ADAP1: variants seen among roughly 807,000 people sequenced by gnomAD.
ADAP1 encodes the protein arf-GAP with dual PH domain-containing protein 1.
A neutral mutation model predicts 54.9 loss-of-function variants in ADAP1; 31 were observed. The observed-to-expected ratio is 0.56, with a 90% CI of 0.42 to 0.76. ADAP1 has a LOEUF of 0.76. Ranked by LOEUF, ADAP1 falls within the 30% of genes least tolerant of loss-of-function variation. The pLI, the probability that ADAP1 is intolerant of heterozygous loss-of-function variation, is 0.00. For synonymous variants in ADAP1, 313 were observed against 202.6 expected (o/e 1.55, Z -4.63); for missense variants, 535 against 512.4 (o/e 1.04, Z -0.42).
Position 920,720 on chromosome 7 carries a change from C to T in ADAP1, c.306-670G>A, listed in dbSNP as rs1846160624. 2.1e-6 allele frequency: 3 copies of T among 1,401,038 alleles called. No homozygotes were observed. The highest frequency in any genetic ancestry group is 1.4e-5 in the African/African-American group (1 of 69,540). 86.8% of individuals were successfully genotyped at this position (1,401,038 alleles called of 1,614,324 possible). On this transcript the variant is annotated intron_variant, in intron 3 of 10. Transcript: ENST00000265846. This position sits in a 1 kb window ranked among gnomAD's most constrained non-coding sequence, Gnocchi z 4.5. ...CGGGACGAGGGCCCCCCACGGCACC[C>T]ACTGAGCCCAGACATCCCTGCCCAG... is the stretch of plus-strand genomic sequence containing the variant.
chr7:930,167 C>T (rs149275616), intron 2 of ADAP1, among the ~76,000 whole-genome samples: 1 of 148,572 alleles, frequency 6.7e-6, no homozygotes, highest in East Asian at 2.0e-4. Context: ...TGCTATAGAC[C>T]CTAAAACCAC....
chr7:907,185 C>A (rs1845503722), intron 4 of ADAP1, among the ~76,000 whole-genome samples: 1 of 152,170 alleles, frequency 6.6e-6, no homozygotes, highest in Admixed American at 6.5e-5. Context: ...CCACACACAG[C>A]CACAGAAAAG....
At position 926,561 on chromosome 7, in the gene ADAP1, G is replaced by A. The variant is rs754856230; in HGVS notation, c.297C>T (p.Ser99=). 1.3e-5 allele frequency: 20 copies of A among 1,536,558 alleles called. No individual in the cohort carries two copies. The highest frequency in any genetic ancestry group is 2.4e-5 in the South Asian group (2 of 83,066). The change falls in exon 3 of 11, where the codon TCC becomes TCT. Residue 99 remains serine, a synonymous_variant. Transcript: ENST00000265846. The surrounding 1 kb of genome is among the most constrained non-coding windows in gnomAD (Gnocchi z 4.6). ...GGCCCCTTTGTACTCACTGGCAGTC[G>A]GAGGGCGTGGGCCGGTAGTAGAAGG... is the stretch of plus-strand genomic sequence containing the variant. ...VPSFYYRPTP[S]DCQLLREQWI...
chr7:929,291 CAAAA>C (rs761570809), intron 2 of ADAP1, among the ~76,000 whole-genome samples: 1 of 95,966 alleles, frequency 1.0e-5, no homozygotes. Context: ...GACTCCATCT[CAAAA>C]AAAAAAAAAA....
intron 4 of ADAP1, among the ~76,000 whole-genome samples, chr7:912,130 A>C (rs1388819743): frequency 6.6e-6 from 1 of 152,170 alleles, no homozygotes; most frequent in Non-Finnish European, 1.5e-5. Flanking sequence ...CATTTACGGC[A>C]ACGGTCGGCC....
chr7:918,605 C>G (rs1233372238), intron 4 of ADAP1, among the ~76,000 whole-genome samples: 1 of 152,156 alleles, frequency 6.6e-6, no homozygotes. Context: ...CTTCCTTCCT[C>G]ACGTGGCCAT....
intron 4 of ADAP1, chr7:905,695 GAGAAAGGA>G (rs1845200491): frequency 2.3e-5 from 2 of 85,920 alleles, no homozygotes; most frequent in Non-Finnish European, 2.6e-5. Flanking sequence ...AAGGAGAAAG[GAGAAAGGA>G]GAAAGGAGAA....
chr7:900,245 C>A, intron 7 of ADAP1, 81 bp from the exon 8 acceptor site: 1 of 1,548,836 alleles, frequency 6.5e-7, no homozygotes, highest in Admixed American at 1.7e-5. Flanking sequence ...CCTCTGTGCT[C>A]CCCTCACCCC....
intron 3 of ADAP1, among the ~76,000 whole-genome samples, chr7:921,623 A>G (rs1208294637): frequency 6.6e-6 from 1 of 152,206 alleles, no homozygotes; most frequent in Non-Finnish European, 1.5e-5. Flanking sequence ...CCCTATTTCC[A>G]GATGAGTTCA....
At chr7:932,726 C>T (rs887505696) in intron 2 of ADAP1, among the ~76,000 whole-genome samples, 98 of 152,132 alleles carry the variant, frequency 6.4e-4, no homozygotes, top group African/African-American at 2.0e-3. Context: ...GGCGAAGGGA[C>T]GGATATCACA....
At chr7:943,897 T>G (rs1040993842) in intron 1 of ADAP1, among the ~76,000 whole-genome samples, 4 of 150,938 alleles carry the variant, frequency 2.7e-5, no homozygotes, top group African/African-American at 9.8e-5. Context: ...AGAGAGAAAT[T>G]GACCTCATCA....
chr7:900,843 G>C, intron 6 of ADAP1: 2 of 641,178 alleles, frequency 3.1e-6, no homozygotes. Context: ...GGCAGGTGCA[G>C]CCTCCCCCGG....
intron 7 of ADAP1, 134 bp downstream of exon 7, chr7:900,399 G>C (rs1466555030): frequency 2.5e-5 from 26 of 1,054,594 alleles, no homozygotes; most frequent in Middle Eastern, 3.0e-4. Flanking sequence ...AGGCACGTCA[G>C]GGTGAGCCCT....
intron 6 of ADAP1, chr7:900,827 C>T (rs1844765145): frequency 3.4e-5 from 22 of 642,234 alleles, no homozygotes; most frequent in East Asian, 8.8e-5. Context: ...TGCCCCTCTG[C>T]GGGAGGGCAG....
rs71020534 is a variant in ADAP1, at chr7:900,864, A to AGAAGGGCCGAAGGGCC, written c.649-264_649-249dup. The AGAAGGGCCGAAGGGCC allele has an allele frequency of 2.1e-3, 1,294 of 602,706 alleles. 5 individuals are homozygous for AGAAGGGCCGAAGGGCC. Among genetic ancestry groups the AGAAGGGCCGAAGGGCC allele is most frequent in the Non-Finnish European group, 3.0e-3 (955 of 320,030 alleles). 37.3% of individuals were successfully genotyped at this position (602,706 alleles called of 1,614,324 possible). On this transcript the variant is annotated intron_variant, in intron 6 of 10. Transcript: ENST00000265846. ...TGCAGCCTCCCCCGGCGAAGTCCTG[A>AGAAGGGCCGAAGGGCC]GAAGGGCCGAAGGGCCGAAGGGCCG...
chr7:954,302 C>T lies in ADAP1; in HGVS notation c.82+94G>A, dbSNP rs977224779. The stretch of plus-strand genomic sequence containing the variant: ...GCCACCCCCGCGGCGTCCGCGCTCC[C>T]CCGCCCGGTCCCCGGGGCCCACCCA... On this transcript the variant is annotated intron_variant, in intron 1 of 10. Coordinates refer to ENST00000265846, the MANE Select transcript of ADAP1 (RefSeq NM_006869.4). 4 of 985,872 alleles carry T rather than the reference C, an allele frequency of 4.1e-6. No homozygotes were observed. The African/African-American group carries it at 5.3e-5, about 13-fold the overall frequency. The allele number at this position is 985,872 out of a possible 1,614,324, so 61.1% of individuals were successfully genotyped here.
At chr7:914,719 A>G (rs1361174978) in intron 4 of ADAP1, among the ~76,000 whole-genome samples, 1 of 152,090 alleles carries the variant, frequency 6.6e-6, no homozygotes, top group Admixed American at 6.5e-5. Context: ...GCCCCTGAAC[A>G]CACAAGGAGA....
chr7:946,163 C>T lies in ADAP1; in HGVS notation c.82+8233G>A, dbSNP rs1241440027. ...AGGCACACAGCGCCCCACTCCACGC[C>T]GGGACCCAGGCCCCTCTCCAACTCC... On this transcript the variant is annotated intron_variant, in intron 1 of 10. Transcript: ENST00000265846. This position sits in a 1 kb window ranked among gnomAD's most constrained non-coding sequence, Gnocchi z 4.3. Among the ~76,000 whole-genome samples the T allele has an allele frequency of 2.0e-5, 3 of 152,218 alleles. No homozygotes were observed. The highest frequency in any genetic ancestry group is 2.1e-4 in the South Asian group (1 of 4,838).
chr7:912,529 C>T (rs1845765965), intron 4 of ADAP1, among the ~76,000 whole-genome samples: 1 of 152,174 alleles, frequency 6.6e-6, no homozygotes, highest in South Asian at 2.1e-4. Context: ...GGCTGAGGTT[C>T]ACCTGGGGCC....
Sources: gnomAD v4.1 joint callset for allele counts (sites outside exome capture counted in the v4.1 genomes callset) on GRCh38, gnomAD v4.1.1 for gene constraint, Gnocchi (gnomAD v3.1) non-coding constraint, MANE v1.5 for transcripts, NCBI Gene and HGNC (gene_info 2026-07-23, HGNC 2026-07-21) for gene names.